The following TXK variants were observed in gnomAD, a reference collection of about 807,000 sequenced individuals.
TXK encodes the protein TXK tyrosine kinase, also known as tyrosine-protein kinase TXK.
In TXK, 60 loss-of-function variants were observed where a neutral mutation model predicts 81.0. The ratio of observed to expected loss-of-function variants is 0.74; its 90% confidence interval spans 0.60 to 0.92. TXK has a LOEUF of 0.92. Ranked by LOEUF, TXK falls within the 40% of genes least tolerant of loss-of-function variation. The pLI is 0.00. For synonymous variants in TXK, 203 were observed against 210.7 expected, an observed-to-expected ratio of 0.96 and a Z score of 0.32; for missense variants, 581 against 638.3, an observed-to-expected ratio of 0.91 and a Z score of 0.97.
At chr4:48,091,126 T>G (rs922200897) in intron 8 of TXK, among the ~76,000 whole-genome samples, 5 of 152,218 alleles carry the variant, frequency 3.3e-5, no homozygotes, top group African/African-American at 1.2e-4. Context: ...GAATAAGTAT[T>G]CTGCTGGAGA....
chr4:48,113,081 T>C, intron 3 of TXK, 126 bp downstream of exon 3: 1 of 553,022 alleles, frequency 1.8e-6, no homozygotes, highest in African/African-American at 1.8e-5. Flanking sequence ...CCTTCACAAA[T>C]TACTGAGCAC....
At chr4:48,110,171 T>C (rs1047630154) in intron 5 of TXK, among the ~76,000 whole-genome samples, 2 of 152,180 alleles carry the variant, frequency 1.3e-5, no homozygotes, top group Non-Finnish European at 1.5e-5. Context: ...CTAAAACATA[T>C]AAAAACATAA....
intron 10 of TXK, 90 bp downstream of exon 10, chr4:48,086,376 A>G (rs1717529564): frequency 7.3e-7 from 1 of 1,370,434 alleles, no homozygotes; most frequent in Non-Finnish European, 1.0e-6. Flanking sequence ...GTTGTGACAC[A>G]AATCCAGGTG....
intron 1 of TXK, among the ~76,000 whole-genome samples, chr4:48,127,103 C>A (rs1465205092): frequency 6.6e-6 from 1 of 152,206 alleles, no homozygotes; most frequent in African/African-American, 2.4e-5. Flanking sequence ...AGTCCAAGAA[C>A]AGTGGTGAGC....
At chr4:48,094,347 G>GC (rs901063908) in intron 7 of TXK, 143 bp from the exon 8 acceptor site, 49 of 865,628 alleles carry the variant, frequency 5.7e-5, no homozygotes, top group South Asian at 2.7e-4. Context: ...TTCAACAAGT[G>GC]CCCCCCCATG....
In TXK at chr4:48,102,489, C is replaced by G. The variant is rs575117375; in HGVS notation, c.501+2412G>C. On this transcript the variant is annotated intron_variant, in intron 6 of 14. Transcript: ENST00000264316. ...TGAAAAAAAACTGTGAAACTACTTG[C>G]CACCTGCTGGCAAGAATGTTGGAAA... 1.2e-3 allele frequency among the ~76,000 whole-genome samples: 180 copies of G among 152,294 alleles called. 2 individuals carry two copies. Among genetic ancestry groups the G allele is most frequent in the Middle Eastern group, 6.8e-3 (2 of 294 alleles).
chr4:48,110,180 A>G (rs1008841956), intron 5 of TXK, among the ~76,000 whole-genome samples: 1 of 152,222 alleles, frequency 6.6e-6, no homozygotes, highest in Non-Finnish European at 1.5e-5. Context: ...ATAAAAACAT[A>G]AGCCAAAATA....
At chr4:48,083,523 A>G (rs996619745) in intron 10 of TXK, among the ~76,000 whole-genome samples, 1 of 152,248 alleles carries the variant, frequency 6.6e-6, no homozygotes, top group Non-Finnish European at 1.5e-5. Flanking sequence ...ACCTTGGCCA[A>G]GTAAACTCTT....
chr4:48,112,563 C>A (rs1286467776), intron 3 of TXK, 51 bp from the exon 4 acceptor site: 3 of 1,528,970 alleles, frequency 2.0e-6, no homozygotes, highest in Non-Finnish European at 2.6e-6. Context: ...ATAATTTGTA[C>A]TAAAAAATAT....
intron 10 of TXK, among the ~76,000 whole-genome samples, chr4:48,082,509 C>T (rs1265616391): frequency 6.6e-6 from 1 of 152,142 alleles, no homozygotes; most frequent in African/African-American, 2.4e-5. Flanking sequence ...ATAACTCAAC[C>T]AATTGTCAAT....
chr4:48,068,221 C>A (rs1268578100), intron 14 of TXK, among the ~76,000 whole-genome samples: 1 of 152,144 alleles, frequency 6.6e-6, no homozygotes, highest in Non-Finnish European at 1.5e-5. Context: ...AACGTTTCAG[C>A]ATCTCAGAAA....
At chr4:48,076,213 A>T (rs949049059) in intron 12 of TXK, among the ~76,000 whole-genome samples, 189 bp downstream of exon 12, 8 of 152,222 alleles carry the variant, frequency 5.3e-5, no homozygotes, top group African/African-American at 1.9e-4. Context: ...GTAAACATTT[A>T]CCTCACAGCT....
At chr4:48,100,935 A>C (rs1718167597) in intron 6 of TXK, among the ~76,000 whole-genome samples, 1 of 151,924 alleles carries the variant, frequency 6.6e-6, no homozygotes, top group African/African-American at 2.4e-5. Flanking sequence ...TATATATAAA[A>C]ATGTATATAG....
At chr4:48,129,319 T>C (rs1406362719) in intron 1 of TXK, among the ~76,000 whole-genome samples, 7 of 152,202 alleles carry the variant, frequency 4.6e-5, no homozygotes, top group Admixed American at 3.3e-4. Context: ...GTGAGTAATT[T>C]GTGTTAGACC....
At chr4:48,073,871 A>C in intron 13 of TXK, 64 bp downstream of exon 13, 1 of 1,105,916 alleles carries the variant, frequency 9.0e-7, no homozygotes, top group Non-Finnish European at 1.3e-6. Flanking sequence ...AATCAAAGTT[A>C]AAAATAACAC....
chr4:48,121,028 T>G (rs1393570229), intron 1 of TXK, among the ~76,000 whole-genome samples: 1 of 152,230 alleles, frequency 6.6e-6, no homozygotes. Context: ...TTTGCTGCTT[T>G]GTTCTCTACC....
chr4:48,117,327 T>C (rs1718840685), intron 1 of TXK, among the ~76,000 whole-genome samples: 1 of 152,224 alleles, frequency 6.6e-6, no homozygotes. Context: ...CTTGTCTTTG[T>C]AGGGTTGCTA....
chr4:48,084,894 C>CCAGTTAATCGAGAATGGGTG, intron 10 of TXK, among the ~76,000 whole-genome samples: 1 of 151,926 alleles, frequency 6.6e-6, no homozygotes, highest in Admixed American at 6.6e-5. Flanking sequence ...GAGAATGGGT[C>CCAGTTAATCGAGAATGGGTG]CAGTTAATCG....
intron 1 of TXK, among the ~76,000 whole-genome samples, chr4:48,123,361 T>C (rs1203143077): frequency 1.2e-4 from 19 of 152,190 alleles, no homozygotes; most frequent in Admixed American, 1.2e-3. Context: ...AGAATTATCA[T>C]CTTCCTCACT....
Sources: gnomAD v4.1 joint callset for allele counts (sites outside exome capture counted in the v4.1 genomes callset) on GRCh38, gnomAD v4.1.1 for gene constraint, MANE v1.5 for transcripts, NCBI Gene and HGNC (gene_info 2026-07-23, HGNC 2026-07-21) for gene names.